VPS13C: variants seen among roughly 807,000 people sequenced by gnomAD.
The protein encoded by VPS13C is vacuolar protein sorting 13 homolog C.
VPS13C carries 358 observed loss-of-function variants against 456.8 expected under a neutral mutation model. The ratio of observed to expected loss-of-function variants is 0.78; its 90% CI spans 0.72 to 0.86. The LOEUF is 0.86. VPS13C is among the 40% of genes least tolerant of loss of function. The probability of loss-of-function intolerance (pLI) is 0.00; values close to 1 mark genes in which losing one functional copy is unlikely to be tolerated. For synonymous variants in VPS13C, 1,578 were observed against 1,486.7 expected (o/e 1.06, Z -1.41); for missense variants, 4,818 against 4,385.4 (o/e 1.10, Z -2.79).
intron 81 of VPS13C, chr15:61,865,475 A>T (rs1438019731): frequency 2.0e-6 from 2 of 984,286 alleles, no homozygotes; most frequent in Non-Finnish European, 2.4e-6. Context: ...ACGTTGCATG[A>T]TCATAAGTAT....
At chr15:61,886,008 C>G (rs777548710) in intron 67 of VPS13C, among the ~76,000 whole-genome samples, 5 of 152,076 alleles carry the variant, frequency 3.3e-5, no homozygotes, top group Non-Finnish European at 7.4e-5. Flanking sequence ...TGAGGTTGTT[C>G]TGAATGTCTT....
In VPS13C at chr15:61,945,699, A is replaced by G; in HGVS notation, c.5148+16T>C. On this transcript the variant is annotated intron_variant, in intron 45 of 84. Coordinates refer to ENST00000644861, the MANE Select transcript of VPS13C (RefSeq NM_020821.3). ...TTAGGCCTCAGTGAGGAATAAATAT[A>G]TTTTTAAAAACTTACCAAAAGAGAC... is the stretch of plus-strand genomic sequence containing the variant. 2 of 1,563,676 alleles carry G rather than the reference A, an allele frequency of 1.3e-6. No homozygotes were observed. Among genetic ancestry groups the G allele is most frequent in the Admixed American group, 2.0e-5 (1 of 50,086 alleles).
intron 14 of VPS13C, among the ~76,000 whole-genome samples, chr15:62,007,886 C>A (rs558743320): frequency 1.1e-4 from 16 of 152,232 alleles, no homozygotes; most frequent in African/African-American, 3.9e-4. Context: ...GCGGGCAGAT[C>A]ACGAGGTCAA....
chr15:62,046,299 A>T (rs1410292713), intron 1 of VPS13C, among the ~76,000 whole-genome samples: 1 of 152,186 alleles, frequency 6.6e-6, no homozygotes, highest in Non-Finnish European at 1.5e-5. Context: ...TGGAGGCAGA[A>T]TTGACAGGAT....
At chr15:61,938,850 C>T (rs1678990563) in intron 47 of VPS13C, among the ~76,000 whole-genome samples, 1 of 152,122 alleles carries the variant, frequency 6.6e-6, no homozygotes. Flanking sequence ...TAGAGAAAGA[C>T]ACCAGCCTAA....
intron 79 of VPS13C, among the ~76,000 whole-genome samples, chr15:61,871,349 G>C (rs938563035): frequency 1.4e-4 from 21 of 152,020 alleles, no homozygotes; most frequent in African/African-American, 4.6e-4. Flanking sequence ...TCTTGAGGAC[G>C]GTTCTTTCCT....
intron 30 of VPS13C, 122 bp from the exon 31 acceptor site, chr15:61,964,983 G>A: frequency 1.1e-6 from 1 of 898,350 alleles, no homozygotes; most frequent in Non-Finnish European, 1.7e-6. Flanking sequence ...TCTGAAGGAA[G>A]AGTAAAAAGT....
intron 9 of VPS13C, among the ~76,000 whole-genome samples, chr15:62,019,562 G>A (rs1273686162): frequency 6.6e-6 from 1 of 152,130 alleles, no homozygotes; most frequent in East Asian, 1.9e-4. Flanking sequence ...TAGTCATTCA[G>A]GAGAAGGTTG....
At chr15:62,013,412 T>C (rs1205426699) in intron 10 of VPS13C, among the ~76,000 whole-genome samples, 2 of 151,864 alleles carry the variant, frequency 1.3e-5, no homozygotes, top group Non-Finnish European at 2.9e-5. Context: ...TGTAAATATT[T>C]TGCTGAAAAA....
At chr15:61,930,996 T>C in intron 50 of VPS13C, 94 bp downstream of exon 50, 1 of 1,435,582 alleles carries the variant, frequency 7.0e-7, no homozygotes, top group Non-Finnish European at 9.6e-7. Context: ...GACAGAGATC[T>C]TTTTTGGATG....
rs1029198398 is a variant in VPS13C at position 61,950,338 on chromosome 15, G to C, written c.4596+20C>G. The C allele has an allele frequency of 6.3e-7, 1 of 1,592,002 alleles. No individual in the cohort carries two copies. The highest frequency in any genetic ancestry group is 1.3e-5 in the African/African-American group (1 of 74,456). ...ATAATCAACACAACCCAACCTTATA[G>C]CAAATTATAAAAGTTTTACCTTCAG... On this transcript the variant is annotated intron_variant, in intron 41 of 84. Coordinates refer to ENST00000644861, the MANE Select transcript of VPS13C (RefSeq NM_020821.3).
At chr15:61,904,478 T>TAA (rs750420390) in intron 66 of VPS13C, among the ~76,000 whole-genome samples, 1,565 of 131,956 alleles carry the variant, frequency 0.012, 21 homozygotes, top group Middle Eastern at 0.049. Flanking sequence ...AGGCTTTAAT[T>TAA]AAAAAAAAAA....
At position 62,012,124 on chromosome 15, in the gene VPS13C, G is replaced by T. The variant is rs200657349; in HGVS notation, c.866C>A (p.Pro289His). ...KNEILTSGNIPPNYQYIFQPI... is the reference protein window; with the variant it reads ...KNEILTSGNIHPNYQYIFQPI... ...TTACTTACTGTATTGATAATTTGGG[G>T]GTATATTTCCACTTGTAAGAATTTC... Residue 289 changes from proline (P) to histidine (H), a missense_variant, in exon 12 of 85, where the codon CCC (proline) becomes CAC (histidine). Coordinates refer to ENST00000644861, the MANE Select transcript of VPS13C (RefSeq NM_020821.3). 4.8e-5 allele frequency: 74 copies of T among 1,530,498 alleles called. No homozygotes were observed. The highest frequency in any genetic ancestry group is 6.4e-5 in the Non-Finnish European group (71 of 1,110,412). 94.8% of individuals were successfully genotyped at this position (1,530,498 alleles called of 1,614,324 possible).
At chr15:62,039,800 G>T (rs895186616) in intron 3 of VPS13C, among the ~76,000 whole-genome samples, 6 of 152,042 alleles carry the variant, frequency 3.9e-5, no homozygotes, top group African/African-American at 4.8e-5. Context: ...ACAATTTGGG[G>T]GTTCCTCAAA....
At position 61,931,077 on chromosome 15, in the gene VPS13C, A is replaced by G; in HGVS notation, c.6038+13T>C. ...ACCTTAAATAATGTATTGCAAACTC[A>G]GAGCTGACAAACCTCGATGTTGCTC... On this transcript the variant is annotated intron_variant, in intron 50 of 84. Coordinates refer to ENST00000644861, the MANE Select transcript of VPS13C (RefSeq NM_020821.3). The G allele has an allele frequency of 3.1e-6, 5 of 1,613,828 alleles. No homozygotes were observed. The highest frequency in any genetic ancestry group is 4.2e-6 in the Non-Finnish European group (5 of 1,179,972).
intron 66 of VPS13C, among the ~76,000 whole-genome samples, chr15:61,894,314 A>T (rs1218528661): frequency 2.0e-5 from 3 of 151,238 alleles, no homozygotes; most frequent in Non-Finnish European, 4.4e-5. Context: ...TCTCAAAACA[A>T]AAAGCAGAAA....
intron 45 of VPS13C, among the ~76,000 whole-genome samples, chr15:61,943,016 C>T (rs979266635): frequency 1.3e-5 from 2 of 151,858 alleles, no homozygotes; most frequent in Non-Finnish European, 2.9e-5. Context: ...ATCCTGTTTA[C>T]GATAGCCATC....
rs147075365 is a variant in VPS13C at position 61,914,544 on chromosome 15, G to C, written c.8445+1089C>G. On this transcript the variant is annotated intron_variant, in intron 61 of 84. Transcript: ENST00000644861. ...AGACCACACCACTGCACTCCAGCCTGGGCAACAAGAACAAAACTATGTTTC... is the reference window on the plus strand; with the variant it reads ...AGACCACACCACTGCACTCCAGCCTCGGCAACAAGAACAAAACTATGTTTC... Among the ~76,000 whole-genome samples, 1,048 of 151,726 alleles carry C rather than the reference G, an allele frequency of 6.9e-3. 9 individuals carry two copies. The highest frequency in any genetic ancestry group is 0.024 in the African/African-American group (999 of 41,436).
chr15:61,913,359 C>T lies in VPS13C; in HGVS notation c.8502G>A (p.Val2834=), dbSNP rs1272781919. 3 of 1,613,930 alleles carry T rather than the reference C, an allele frequency of 1.9e-6. No individual in the cohort carries two copies. In the Admixed American group the frequency reaches 5.0e-5, roughly 27 times the overall value. Residue 2834 remains valine (V), a synonymous_variant, in exon 62 of 85, where the codon GTG becomes GTA. Coordinates refer to ENST00000644861, the MANE Select transcript of VPS13C (RefSeq NM_020821.3). ...AWSSSFSLDT[V]GSYGCVKCPA... is the part of the protein sequence containing the mutation. ...GACACTTCACACACCCATAACTTCCCACTGTATCCAATGAGAAACTACTGG... is the reference window on the plus strand; with the variant it reads ...GACACTTCACACACCCATAACTTCCTACTGTATCCAATGAGAAACTACTGG...
Sources: allele counts gnomAD v4.1 joint callset (sites outside exome capture counted in the v4.1 genomes callset), GRCh38; gene constraint gnomAD v4.1.1; transcripts MANE v1.5; gene names NCBI Gene and HGNC (gene_info 2026-07-23, HGNC 2026-07-21).